Variants in RASGRP3 observed in about 807,000 individuals in gnomAD.
RASGRP3 encodes ras guanyl-releasing protein 3.
RASGRP3 carries 54 observed loss-of-function variants against 82.7 expected under a neutral mutation model. That is an observed-to-expected ratio of 0.65 (90% CI 0.52 to 0.82). The LOEUF is 0.82. RASGRP3 is among the 40% of genes least tolerant of loss of function. RASGRP3 has a pLI of 0.00. For missense variants in RASGRP3, 861 were observed against 828.9 expected (o/e 1.04, Z -0.48); for synonymous variants, 309 against 300.5 (o/e 1.03, Z -0.29).
intron 15 of RASGRP3, among the ~76,000 whole-genome samples, chr2:33,557,040 A>G (rs1020807308): frequency 5.3e-5 from 8 of 152,182 alleles, no homozygotes; most frequent in African/African-American, 1.9e-4. Flanking sequence ...ATACATCATT[A>G]AGACTATTTG....
rs796745204 is a variant in RASGRP3, at chr2:33,536,341, CAGAA to C, written c.1161+1947_1161+1950del. 2.9e-3 allele frequency among the ~76,000 whole-genome samples: 407 copies of C among 139,902 alleles called. 1 individual carries two copies. The highest frequency in any genetic ancestry group is 0.01 in the African/African-American group (397 of 37,962). 91.8% of individuals were successfully genotyped at this position (139,902 alleles called of 152,430 possible). A position where few individuals can be genotyped will look rare whatever the true frequency, so the allele number is the denominator to read the frequency against. On this transcript the variant is annotated intron_variant, in intron 11 of 17. Coordinates refer to ENST00000403687, the MANE Select transcript of RASGRP3 (RefSeq NM_001139488.2). ...AAAAAAGAAAAAAAAAAAAAAACGACAGAAAGAAAAAAGAAAGAAAACTAGGTCT... is the reference window on the plus strand; with the variant it reads ...AAAAAAGAAAAAAAAAAAAAAACGACAGAAAAAAGAAAGAAAACTAGGTCT...
At chr2:33,558,111 TGGGGTG>T in intron 15 of RASGRP3, 94 bp from the exon 16 acceptor site, 1 of 1,446,300 alleles carries the variant, frequency 6.9e-7, no homozygotes, top group Non-Finnish European at 9.4e-7. Flanking sequence ...ACACAGAAAC[TGGGGTG>T]GGGGAGGGGA....
chr2:33,556,288 C>T lies in RASGRP3; in HGVS notation c.1579+721C>T, dbSNP rs1371811296. On this transcript the variant is annotated intron_variant, in intron 15 of 17. Transcript: ENST00000403687. ...CGGAGTCTCGCTCTGTCGCCCAGGC[C>T]GGACTGCGGACTGCAGTGGCGCAAT... Among the ~76,000 whole-genome samples, 3 of 77,980 alleles carry T rather than the reference C, an allele frequency of 3.8e-5. 1 individual carries two copies. The highest frequency in any genetic ancestry group is 2.7e-4 in the Admixed American group (2 of 7,392). The allele number at this position is 77,980 out of a possible 152,430, so 51.2% of individuals were successfully genotyped here. A position where few individuals can be genotyped will look rare whatever the true frequency, so the allele number is the denominator to read the frequency against.
In RASGRP3 at chr2:33,544,313, C is replaced by CA. The variant is rs879627979; in HGVS notation, c.1394+698dup. ...TGGGTGACTGAGTGAGACTCTGTCT[C>CA]AAAAAAAAAAAACTCACTTATAGTC... On this transcript the variant is annotated intron_variant, in intron 13 of 17. Transcript: ENST00000403687. Among the ~76,000 whole-genome samples the CA allele has an allele frequency of 5.3e-3, 699 of 132,134 alleles. 1 individual carries two copies. The highest frequency in any genetic ancestry group is 7.5e-3 in the Non-Finnish European group (458 of 60,896). The allele number at this position is 132,134 out of a possible 152,430, so 86.7% of individuals were successfully genotyped here.
At chr2:33,467,075 T>C (rs1666739892) in intron 2 of RASGRP3, among the ~76,000 whole-genome samples, 1 of 151,770 alleles carries the variant, frequency 6.6e-6, no homozygotes, top group Non-Finnish European at 1.5e-5. Context: ...TAACTATATA[T>C]ATATTAATAA....
intron 11 of RASGRP3, among the ~76,000 whole-genome samples, chr2:33,538,189 TG>T (rs1221170507): frequency 6.6e-6 from 1 of 152,218 alleles, no homozygotes; most frequent in Non-Finnish European, 1.5e-5. Context: ...GGGAGCGCAT[TG>T]CTTTTTTCCC....
chr2:33,440,522 C>T (rs1485261057), intron 1 of RASGRP3, among the ~76,000 whole-genome samples: 1 of 152,182 alleles, frequency 6.6e-6, no homozygotes, highest in East Asian at 1.9e-4. Context: ...GAGCTAAGGG[C>T]GCCAGTTGCT....
rs187558811 is a variant in RASGRP3, at chr2:33,462,251, T to A, written c.-261+14308T>A. Among the ~76,000 whole-genome samples the A allele has an allele frequency of 2.0e-5, 3 of 152,206 alleles. No homozygotes were observed. In the East Asian group the frequency reaches 5.8e-4, roughly 29 times the overall value. On this transcript the variant is annotated intron_variant, in intron 2 of 18. Transcript: ENST00000402538. ...GCCATGTGAACCCAGAACAGCTTAG[T>A]GGACTCAAAAGGAGGCCTGTGTTGA...
At chr2:33,509,577 C>A (rs1012462902) in intron 1 of RASGRP3, among the ~76,000 whole-genome samples, 85 of 152,174 alleles carry the variant, frequency 5.6e-4, no homozygotes, top group Non-Finnish European at 4.4e-5. Context: ...AATGTCTTTT[C>A]GATTTCTCAT....
At chr2:33,461,736 A>C (rs182036964) in intron 2 of RASGRP3, among the ~76,000 whole-genome samples, 112 of 152,376 alleles carry the variant, frequency 7.4e-4, no homozygotes, top group Admixed American at 1.2e-3. Context: ...TATTTTATCC[A>C]AAAGTTTTCT....
At chr2:33,520,954 T>C (rs189965282) in intron 6 of RASGRP3, among the ~76,000 whole-genome samples, 1 of 152,322 alleles carries the variant, frequency 6.6e-6, no homozygotes, top group African/African-American at 2.4e-5. Context: ...ATGAAAGGAT[T>C]TGGCATGCAA....
At chr2:33,546,528 G>C (rs1461982657) in intron 13 of RASGRP3, among the ~76,000 whole-genome samples, 1 of 152,034 alleles carries the variant, frequency 6.6e-6, no homozygotes, top group African/African-American at 2.4e-5. Context: ...CAACCATTGT[G>C]GAAAGCAGTA....
chr2:33,559,782 G>A (rs1676449776), intron 17 of RASGRP3: 1 of 389,102 alleles, frequency 2.6e-6, no homozygotes, highest in Admixed American at 2.8e-5. Context: ...AGAATATTGG[G>A]TTAGGCAGAG....
At chr2:33,515,329 G>A (rs1229209028) in intron 3 of RASGRP3, 123 bp downstream of exon 3, 24 of 939,642 alleles carry the variant, frequency 2.6e-5, no homozygotes, top group South Asian at 1.6e-4. Flanking sequence ...AAGGCCTTTC[G>A]GATGGACCCG....
At chr2:33,543,864 C>A (rs1674495671) in intron 13 of RASGRP3, among the ~76,000 whole-genome samples, 1 of 152,140 alleles carries the variant, frequency 6.6e-6, no homozygotes, top group Non-Finnish European at 1.5e-5. Flanking sequence ...GTAAATTATC[C>A]AAGCACTCCA....
intron 6 of RASGRP3, among the ~76,000 whole-genome samples, chr2:33,521,602 C>T (rs1672042537): frequency 6.6e-6 from 1 of 152,228 alleles, no homozygotes; most frequent in Non-Finnish European, 1.5e-5. Context: ...AGAACCACAG[C>T]TTCTAGTGGT....
chr2:33,465,388 C>T (rs577424792), intron 2 of RASGRP3, among the ~76,000 whole-genome samples: 3 of 152,160 alleles, frequency 2.0e-5, no homozygotes, highest in African/African-American at 4.8e-5. Context: ...AGGAATAACA[C>T]TATCTCCATA....
Position 33,437,044 on chromosome 2 carries a change from T to G in RASGRP3, c.-385+453T>G, listed in dbSNP as rs1664962765. Reference sequence around the variant, plus strand: ...ATTGTATAAAAGTTATATATAAAATTTAAATTTTGTATAAAATTAAGCAAA... The same window carrying G: ...ATTGTATAAAAGTTATATATAAAATGTAAATTTTGTATAAAATTAAGCAAA... On this transcript the variant is annotated intron_variant, in intron 1 of 18. Transcript: ENST00000402538. Among the ~76,000 whole-genome samples, 5 of 152,234 alleles carry G rather than the reference T, an allele frequency of 3.3e-5. No homozygotes were observed. In the South Asian group the frequency reaches 1.0e-3, roughly 32 times the overall value.
At position 33,521,996 on chromosome 2, in the gene RASGRP3, A is replaced by T. The variant is rs1672079443; in HGVS notation, c.410A>T (p.Lys137Ile). The T allele has an allele frequency of 6.2e-7, 1 of 1,613,902 alleles. No individual in the cohort carries two copies. Among genetic ancestry groups the T allele is most frequent in the Non-Finnish European group, 8.5e-7 (1 of 1,179,848 alleles). The change falls in exon 7 of 18, where the codon AAA becomes ATA. Residue 137 changes from lysine (K) to isoleucine (I), a missense_variant. Transcript: ENST00000403687. ...DWMRRVTQRK[K>I]VSKKGKACLL... ...ATGAGAAGAGTCACACAGAGGAAAA[A>T]AGTATCCAAGAAGGGAAAAGCCTGT...
Sources: allele counts gnomAD v4.1 joint callset (sites outside exome capture counted in the v4.1 genomes callset), GRCh38; gene constraint gnomAD v4.1.1; transcripts MANE v1.5; gene names NCBI Gene and HGNC (gene_info 2026-07-23, HGNC 2026-07-21).